OPCML: variants seen among roughly 807,000 people sequenced by gnomAD.
OPCML encodes the protein opioid binding protein/cell adhesion molecule like, also known as opioid-binding protein/cell adhesion molecule.
In OPCML, 13 loss-of-function variants were observed where a neutral mutation model predicts 37.8. The ratio of observed to expected loss-of-function variants is 0.34; its 90% CI spans 0.22 to 0.55. The LOEUF (loss-of-function observed/expected upper bound fraction) is 0.55. Ranked by LOEUF, OPCML falls within the 20% of genes least tolerant of loss-of-function variation. The pLI is 0.91. For synonymous variants in OPCML, 176 were observed against 168.8 expected, an observed-to-expected ratio of 1.04 and a Z score of -0.33; for missense variants, 341 against 435.6, an observed-to-expected ratio of 0.78 and a Z score of 1.93.
chr11:132,448,408 A>G (rs2096060838), intron 4 of OPCML, among the ~76,000 whole-genome samples: 1 of 152,202 alleles, frequency 6.6e-6, no homozygotes, highest in Non-Finnish European at 1.5e-5. Flanking sequence ...GACATCCTGC[A>G]CACTTCGCAG....
chr11:132,756,939 C>T (rs1001062492), intron 2 of OPCML, among the ~76,000 whole-genome samples: 1 of 152,108 alleles, frequency 6.6e-6, no homozygotes, highest in African/African-American at 2.4e-5. Context: ...TTGCTCCCCA[C>T]CCCCTGACAG....
At chr11:133,362,139 G>A (rs536219930) in intron 1 of OPCML, 1 of 152,370 alleles carries the variant, frequency 6.6e-6, no homozygotes, top group South Asian at 2.1e-4. Flanking sequence ...CCAGTCACAG[G>A]TACCTTCCTG....
chr11:133,390,024 TA>T (rs1447925197), intron 1 of OPCML, among the ~76,000 whole-genome samples: 1 of 152,316 alleles, frequency 6.6e-6, no homozygotes, highest in East Asian at 1.9e-4. Context: ...AAGACAGTCA[TA>T]AAAATACCTC....
chr11:132,890,274 A>G (rs1943589431), intron 2 of OPCML, among the ~76,000 whole-genome samples: 1 of 152,226 alleles, frequency 6.6e-6, no homozygotes, highest in South Asian at 2.1e-4. Flanking sequence ...CACTGACAAT[A>G]TCTTTCTTCA....
chr11:132,696,790 C>T (rs935452952), intron 2 of OPCML, among the ~76,000 whole-genome samples: 2 of 151,950 alleles, frequency 1.3e-5, no homozygotes, highest in Admixed American at 6.5e-5. Flanking sequence ...AAAAGTCCAA[C>T]GCTGACCCAT....
At chr11:133,225,209 G>A (rs1472028153) in intron 1 of OPCML, among the ~76,000 whole-genome samples, 1 of 152,104 alleles carries the variant, frequency 6.6e-6, no homozygotes, top group East Asian at 1.9e-4. Context: ...AATATTCTTT[G>A]GTGCCAAGGT....
At chr11:132,732,748 G>A (rs1945121174) in intron 2 of OPCML, among the ~76,000 whole-genome samples, 1 of 152,148 alleles carries the variant, frequency 6.6e-6, no homozygotes, top group Admixed American at 6.5e-5. Flanking sequence ...AGGAGACAGA[G>A]AACAATTGAA....
intron 1 of OPCML, among the ~76,000 whole-genome samples, chr11:133,466,951 C>T (rs1946990068): frequency 1.3e-5 from 2 of 150,160 alleles, no homozygotes; most frequent in Admixed American, 1.3e-4. Context: ...TTTTTTTAAA[C>T]AGATATTTAT....
At chr11:132,931,245 C>T (rs1242649874) in intron 2 of OPCML, among the ~76,000 whole-genome samples, 3 of 151,656 alleles carry the variant, frequency 2.0e-5, no homozygotes, top group South Asian at 2.1e-4. Flanking sequence ...TTCATGAGAT[C>T]GGATTTGTTG....
intron 4 of OPCML, among the ~76,000 whole-genome samples, chr11:132,525,611 G>T (rs999566396): frequency 2.0e-5 from 3 of 152,184 alleles, no homozygotes; most frequent in African/African-American, 4.8e-5. Context: ...AATTGCAAGT[G>T]AGAAGGAGCA....
chr11:132,696,501 T>C (rs1394295764), intron 2 of OPCML, among the ~76,000 whole-genome samples: 2 of 152,156 alleles, frequency 1.3e-5, no homozygotes, highest in South Asian at 2.1e-4. Context: ...GATGATACTA[T>C]ACCAATAAGA....
intron 2 of OPCML, among the ~76,000 whole-genome samples, chr11:132,806,823 A>G (rs1326886684): frequency 3.9e-5 from 6 of 152,192 alleles, no homozygotes; most frequent in Admixed American, 3.9e-4. Context: ...AATGTATATA[A>G]GCTATTCACC....
At chr11:133,326,468 G>A (rs941779048) in intron 1 of OPCML, among the ~76,000 whole-genome samples, 31 of 132,358 alleles carry the variant, frequency 2.3e-4, no homozygotes, top group African/African-American at 8.6e-4. Context: ...TGTGGGGTGT[G>A]TGTGTATGTG....
At position 132,864,021 on chromosome 11, in the gene OPCML, G is replaced by A. The variant is rs780441692; in HGVS notation, c.146+78905C>T. Among the ~76,000 whole-genome samples the A allele has an allele frequency of 5.9e-5, 9 of 151,972 alleles. No homozygotes were observed. The South Asian group carries it at 6.2e-4, about 11-fold the overall frequency. ...GGTGAGATCTCAGCTGACTGCAACC[G>A]CCGCCTCCTGGGTTCAAGTGATTCT... On this transcript the variant is annotated intron_variant, in intron 2 of 7. Transcript: ENST00000524381.
Position 132,653,742 on chromosome 11 carries a change from G to A in OPCML, c.379+3345C>T, listed in dbSNP as rs560708533. 5.0e-4 allele frequency among the ~76,000 whole-genome samples: 76 copies of A among 152,320 alleles called. No individual in the cohort carries two copies. In the South Asian group the frequency reaches 0.016, roughly 32 times the overall value. On this transcript the variant is annotated intron_variant, in intron 3 of 7. Transcript: ENST00000524381. ...GTGTCTCTCAGGCGCTCCCATGGCA[G>A]GAGGGATAAAGCTGAGTCCCTTAGG...
chr11:133,515,735 G>A (rs557679405), intron 1 of OPCML, among the ~76,000 whole-genome samples: 5 of 151,680 alleles, frequency 3.3e-5, no homozygotes, highest in South Asian at 4.2e-4. Flanking sequence ...AGAAAAGCCC[G>A]AAACTCAAGT....
intron 1 of OPCML, among the ~76,000 whole-genome samples, chr11:133,072,640 A>G (rs1195898005): frequency 6.6e-6 from 1 of 152,140 alleles, no homozygotes; most frequent in African/African-American, 2.4e-5. Flanking sequence ...CCAGTTAGAG[A>G]AGGAGAGTGC....
chr11:133,123,041 T>G (rs1283038754), intron 1 of OPCML, among the ~76,000 whole-genome samples: 1 of 152,208 alleles, frequency 6.6e-6, no homozygotes, highest in Non-Finnish European at 1.5e-5. Flanking sequence ...TTCCATGACT[T>G]TTTCCTACAA....
chr11:133,055,224 T>C (rs1484922978), intron 1 of OPCML, among the ~76,000 whole-genome samples: 2 of 145,352 alleles, frequency 1.4e-5, no homozygotes, highest in Non-Finnish European at 3.0e-5. Flanking sequence ...GGGAGCCACC[T>C]CTACCATATA....
Sources: allele counts gnomAD v4.1 joint callset (sites outside exome capture counted in the v4.1 genomes callset), GRCh38; gene constraint gnomAD v4.1.1; transcripts MANE v1.5; gene names NCBI Gene and HGNC (gene_info 2026-07-23, HGNC 2026-07-21).